Variants in CTSV observed in about 807,000 individuals in gnomAD.
The protein encoded by CTSV is cathepsin L2.
Under a neutral mutation model 35.6 loss-of-function variants are expected in CTSV, and 33 were observed. That is an observed-to-expected ratio of 0.93 (90% CI 0.70 to 1.24). The LOEUF (loss-of-function observed/expected upper bound fraction) is 1.24, where lower values mean the gene tolerates loss of function less well. Among genes scored for constraint, CTSV ranks in the 50% most tolerant of loss-of-function variants. The pLI is 0.00. For synonymous variants in CTSV, 154 were observed against 147.1 expected (o/e 1.05, Z -0.34); for missense variants, 408 against 413.1 (o/e 0.99, Z 0.11).
chr9:97,034,564 T>C (rs1828812556), intron 7 of CTSV, 162 bp downstream of exon 7: 2 of 597,376 alleles, frequency 3.3e-6, no homozygotes, highest in Non-Finnish European at 5.8e-6. Flanking sequence ...TAGCAATAAC[T>C]CCAAAAAGCT....
At chr9:97,038,575 C>A (rs1234018105) in intron 1 of CTSV, 3 of 153,484 alleles carry the variant, frequency 2.0e-5, no homozygotes, top group African/African-American at 7.2e-5. Flanking sequence ...CCACTATTCC[C>A]GCCGTCCCAC....
At chr9:97,038,872 G>A (rs1000097893) in intron 1 of CTSV, among the ~76,000 whole-genome samples, 199 bp downstream of exon 1, 1 of 152,140 alleles carries the variant, frequency 6.6e-6, no homozygotes, top group Non-Finnish European at 1.5e-5. Flanking sequence ...GACCTGCCCC[G>A]CCCGGGCCCT....
rs1828712649 is a variant in CTSV, at chr9:97,029,951, A to C, written c.*2998T>G. 6.6e-6 allele frequency: 1 copy of C among 152,274 alleles called. No individual in the cohort carries two copies. The highest frequency in any genetic ancestry group is 6.5e-5 in the Admixed American group (1 of 15,290). 9.4% of individuals were successfully genotyped at this position (152,274 alleles called of 1,614,324 possible). A position where few individuals can be genotyped will look rare whatever the true frequency, so the allele number is the denominator to read the frequency against. On this transcript the variant is annotated 3_prime_UTR_variant, in exon 8 of 8. Transcript: ENST00000259470. ...TTGCACAGGTGCGTAGCTTAGGAGC[A>C]ACAGGCTGTACCATATAGCCTAGGT...
Position 97,034,820 on chromosome 9 carries a change from T to G in CTSV, c.811A>C (p.Ser271Arg), listed in dbSNP as rs745664930. ...KSGIYFEPDC[S>R]SKNLDHGVLV... ...ACACCATGATCCAGGTTTTTGCTGCTGCAGTCTGGTTCAAAATAAATGCCT... is the reference window on the plus strand; with the variant it reads ...ACACCATGATCCAGGTTTTTGCTGCGGCAGTCTGGTTCAAAATAAATGCCT... Residue 271 changes from serine to arginine, a missense_variant, in exon 7 of 8, where the codon AGC (serine) becomes CGC (arginine). Physicochemically the swap from Ser to Arg is moderately radical, Grantham distance 110 (BLOSUM62 -1). Transcript: ENST00000259470. The G allele has an allele frequency of 6.2e-7, 1 of 1,614,150 alleles. No individual in the cohort carries two copies. Among genetic ancestry groups the G allele is most frequent in the South Asian group, 1.1e-5 (1 of 91,066 alleles).
chr9:97,033,920 C>G (rs763805949), intron 7 of CTSV, among the ~76,000 whole-genome samples: 11 of 151,442 alleles, frequency 7.3e-5, no homozygotes, highest in Non-Finnish European at 7.4e-5. Flanking sequence ...TGGTGAAACC[C>G]CGTCTCTACT....
At chr9:97,039,640 G>C (rs1391232592), upstream of CTSV, 1 of 151,928 alleles carries the variant, frequency 6.6e-6, no homozygotes, top group Admixed American at 6.6e-5. Flanking sequence ...CAGGGCTTTA[G>C]AAGAATCTGG....
At chr9:97,037,686 G>T (rs947069837) in intron 2 of CTSV, 71 bp from the exon 3 acceptor site, 1 of 1,578,252 alleles carries the variant, frequency 6.3e-7, no homozygotes, top group Non-Finnish European at 8.6e-7. Context: ...GCCGATTTGC[G>T]GGCAGAAATG....
intron 1 of CTSV, among the ~76,000 whole-genome samples, 176 bp from the exon 2 acceptor site, chr9:97,038,229 C>G (rs1483806057): frequency 2.0e-5 from 3 of 152,080 alleles, no homozygotes; most frequent in Non-Finnish European, 4.4e-5. Context: ...TTAAAAGCAG[C>G]CTGCAGAGTT....
chr9:97,035,467 G>C, intron 6 of CTSV, 61 bp downstream of exon 6: 1 of 1,314,856 alleles, frequency 7.6e-7, no homozygotes, highest in Non-Finnish European at 1.0e-6. Context: ...TCATATCCAA[G>C]AATCAATCAC....
chr9:97,038,165 C>A, intron 1 of CTSV, 112 bp from the exon 2 acceptor site: 1 of 1,208,194 alleles, frequency 8.3e-7, no homozygotes. Flanking sequence ...TCCCCAAGGA[C>A]TGTGGAAGAG....
rs189966834 is a variant in CTSV, at chr9:97,034,123, T to A, written c.905+603A>T. On this transcript the variant is annotated intron_variant, in intron 7 of 7. Transcript: ENST00000259470. ...AAAAATAAATAAACAAATGAATGAA[T>A]GAATATATTGATTCTTGTGGGTCCT... Among the ~76,000 whole-genome samples, 341 of 152,268 alleles carry A rather than the reference T, an allele frequency of 2.2e-3. 3 individuals carry two copies. The highest frequency in any genetic ancestry group is 7.7e-3 in the African/African-American group (321 of 41,548).
In CTSV at chr9:97,032,803, G is replaced by C; in HGVS notation, c.*146C>G. 3.7e-6 allele frequency: 2 copies of C among 536,430 alleles called. No individual in the cohort carries two copies. The highest frequency in any genetic ancestry group is 6.5e-6 in the Non-Finnish European group (2 of 307,720). 33.2% of individuals were successfully genotyped at this position (536,430 alleles called of 1,614,324 possible). ...AAAGTAGTGGTAACATTTTACCCTT[G>C]TAAAAATGTCACAGAATTAAAATCT... On this transcript the variant is annotated 3_prime_UTR_variant, in exon 8 of 8. Coordinates refer to ENST00000259470, the MANE Select transcript of CTSV (RefSeq NM_001333.4).
At chr9:97,034,991 G>A (rs748846139) in intron 6 of CTSV, 148 bp from the exon 7 acceptor site, 9 of 575,168 alleles carry the variant, frequency 1.6e-5, no homozygotes, top group African/African-American at 3.8e-5. Context: ...AATATTGGCC[G>A]GAAAACAGTA....
chr9:97,035,692 T>C lies in CTSV; in HGVS notation c.623A>G (p.Asp208Gly). ...CTCAGGTCTGTACTTACAGATTTCATCCTTTTAAAGTTAAAGGGGGAGAGA... is the reference window on the plus strand; with the variant it reads ...CTCAGGTCTGTACTTACAGATTTCACCCTTTTAAAGTTAAAGGGGGAGAGA... ...SEESYPYVAV[D>G]EICKYRPENS... The change falls in exon 6 of 8, where the codon GAT (aspartate) becomes GGT (glycine). Residue 208 changes from aspartate to glycine, a missense_variant and splice_region_variant. Asp to Gly is a moderately conservative substitution (Grantham distance 94, BLOSUM62 -1). Coordinates refer to ENST00000259470, the MANE Select transcript of CTSV (RefSeq NM_001333.4). 1 of 1,507,580 alleles carries C rather than the reference T, an allele frequency of 6.6e-7. No homozygotes were observed. Among genetic ancestry groups the C allele is most frequent in the Non-Finnish European group, 8.9e-7 (1 of 1,120,588 alleles). 93.4% of individuals were successfully genotyped at this position (1,507,580 alleles called of 1,614,324 possible). A position where few individuals can be genotyped will look rare whatever the true frequency, so the allele number is the denominator to read the frequency against.
intron 6 of CTSV, 123 bp downstream of exon 6, chr9:97,035,405 C>G: frequency 4.4e-6 from 3 of 688,816 alleles, no homozygotes; most frequent in Non-Finnish European, 6.3e-6. Context: ...ATGCAAACAT[C>G]ACTATGTTAA....
chr9:97,034,394 G>T (rs1244836941), intron 7 of CTSV, among the ~76,000 whole-genome samples: 1 of 152,318 alleles, frequency 6.6e-6, no homozygotes, highest in African/African-American at 2.4e-5. Flanking sequence ...AGCAGAGGCA[G>T]ATGTTTCTGC....
chr9:97,037,647 T>C (rs775826270), intron 2 of CTSV, 32 bp from the exon 3 acceptor site: 1 of 1,610,332 alleles, frequency 6.2e-7, no homozygotes, highest in East Asian at 2.2e-5. Context: ...GTGGACTTTA[T>C]GTCTACTTAC....
intron 4 of CTSV, 94 bp from the exon 5 acceptor site, chr9:97,036,841 A>AAC: frequency 8.2e-7 from 1 of 1,214,692 alleles, no homozygotes; most frequent in Non-Finnish European, 1.1e-6. Flanking sequence ...TTAAAAAAAA[A>AAC]AAAAACCCAT....
At position 97,032,663 on chromosome 9, in the gene CTSV, C is replaced by A. The variant is rs770668641; in HGVS notation, c.*286G>T. ...TTAAAAAAAGGCCCACCTTTATATA[C>A]GAATTAAAATTTATTTCAAACTGTT... is the stretch of plus-strand genomic sequence containing the variant. On this transcript the variant is annotated 3_prime_UTR_variant, in exon 8 of 8. Transcript: ENST00000259470. 7.2e-6 allele frequency: 2 copies of A among 276,614 alleles called. No individual in the cohort carries two copies. The highest frequency in any genetic ancestry group is 1.3e-5 in the Non-Finnish European group (2 of 150,234). The allele number at this position is 276,614 out of a possible 1,614,324, so 17.1% of individuals were successfully genotyped here.
Sources: gnomAD v4.1 joint callset for allele counts (sites outside exome capture counted in the v4.1 genomes callset) on GRCh38, gnomAD v4.1.1 for gene constraint, MANE v1.5 for transcripts, NCBI Gene and HGNC (gene_info 2026-07-23, HGNC 2026-07-21) for gene names.